PPARGC1A: variants seen among roughly 807,000 people sequenced by gnomAD.
PPARGC1A encodes the protein peroxisome proliferator-activated receptor gamma coactivator 1-alpha.
A neutral mutation model predicts 88.7 loss-of-function variants in PPARGC1A; 25 were observed. The ratio of observed to expected loss-of-function variants is 0.28; its 90% CI spans 0.21 to 0.39. PPARGC1A has a LOEUF of 0.39. Among genes scored for constraint, PPARGC1A ranks in the 10% least tolerant of loss-of-function variants. The pLI, the probability that PPARGC1A is intolerant of heterozygous loss-of-function variation, is 1.00. For synonymous variants in PPARGC1A, 363 were observed against 355.6 expected, an observed-to-expected ratio of 1.02 and a Z score of -0.24; for missense variants, 880 against 968.7, an observed-to-expected ratio of 0.91 and a Z score of 1.22.
chr4:24,020,112 C>T, the PPARGC1A span, among the ~76,000 whole-genome samples: 1 of 152,126 alleles, frequency 6.6e-6, no homozygotes, highest in Non-Finnish European at 1.5e-5. Context: ...CCATCCACTC[C>T]TTCATCTTGG....
the PPARGC1A span, among the ~76,000 whole-genome samples, chr4:24,195,355 A>G: frequency 6.6e-6 from 1 of 152,222 alleles, no homozygotes. Flanking sequence ...AATGGTTGCA[A>G]TTATGAAGTA....
At chr4:23,962,754 A>G in the PPARGC1A span, among the ~76,000 whole-genome samples, 362 of 152,284 alleles carry the variant, frequency 2.4e-3, no homozygotes, top group Non-Finnish European at 3.9e-3. Flanking sequence ...GGAAGGTGAT[A>G]AATGCAATTG....
the PPARGC1A span, among the ~76,000 whole-genome samples, chr4:24,001,414 A>G: frequency 1.3e-5 from 2 of 152,240 alleles, no homozygotes; most frequent in East Asian, 3.9e-4. Flanking sequence ...TGTAAGAAAC[A>G]GAGAGAGCAA....
chr4:24,104,777 T>C, the PPARGC1A span, among the ~76,000 whole-genome samples: 1 of 152,172 alleles, frequency 6.6e-6, no homozygotes, highest in African/African-American at 2.4e-5. Context: ...CCCAAAAATA[T>C]ATGCCCAGTA....
rs550367896 is a variant in PPARGC1A, at chr4:23,844,186, A to G, written c.235-12435T>C. Among the ~76,000 whole-genome samples the G allele has an allele frequency of 7.7e-4, 115 of 149,904 alleles. 1 individual carries two copies. Among genetic ancestry groups the G allele is most frequent in the Non-Finnish European group, 1.1e-3 (72 of 67,524 alleles). ...ATACATATGTGTGTATATATAAAAC[A>G]TAAACACACATACAAAAAAATTATT... is the stretch of plus-strand genomic sequence containing the variant. On this transcript the variant is annotated intron_variant, in intron 2 of 12. Coordinates refer to ENST00000264867, the MANE Select transcript of PPARGC1A (RefSeq NM_013261.5).
At chr4:24,389,799 A>G in the PPARGC1A span, among the ~76,000 whole-genome samples, 1 of 152,114 alleles carries the variant, frequency 6.6e-6, no homozygotes, top group Non-Finnish European at 1.5e-5. Flanking sequence ...AGCTCAAGAA[A>G]CTGAGGTCCA....
At chr4:23,888,121 T>C (rs2148847111) in intron 1 of PPARGC1A, among the ~76,000 whole-genome samples, 1 of 152,320 alleles carries the variant, frequency 6.6e-6, no homozygotes, top group South Asian at 2.1e-4. Flanking sequence ...GCTCGTAATA[T>C]TTTATACAGG....
chr4:23,801,483 C>A (rs1384707547), intron 12 of PPARGC1A, among the ~76,000 whole-genome samples: 1 of 152,154 alleles, frequency 6.6e-6, no homozygotes, highest in Non-Finnish European at 1.5e-5. Flanking sequence ...TATCCACATA[C>A]ATACCTACCA....
intron 10 of PPARGC1A, among the ~76,000 whole-genome samples, chr4:23,804,916 T>C (rs1032679218): frequency 2.0e-5 from 3 of 152,186 alleles, no homozygotes; most frequent in Non-Finnish European, 2.9e-5. Context: ...GTTGCTCTTA[T>C]GGAAAACTCT....
chr4:23,950,983 C>T, the PPARGC1A span, among the ~76,000 whole-genome samples: 992 of 152,222 alleles, frequency 6.5e-3, 7 homozygotes, highest in Middle Eastern at 0.017. Context: ...TTGAGGATTA[C>T]GTAGTCCTCT....
the PPARGC1A span, among the ~76,000 whole-genome samples, chr4:24,028,265 T>C: frequency 5.9e-5 from 9 of 152,064 alleles, no homozygotes; most frequent in Non-Finnish European, 7.3e-5. Flanking sequence ...ATTTCTTTCA[T>C]AGAATAAGAA....
At chr4:24,205,409 G>A in the PPARGC1A span, among the ~76,000 whole-genome samples, 17 of 152,170 alleles carry the variant, frequency 1.1e-4, no homozygotes, top group Non-Finnish European at 7.3e-5. Flanking sequence ...GATCAAGAGA[G>A]TCAAGACCAG....
At chr4:23,812,580 G>C (rs1251424921) in intron 10 of PPARGC1A, among the ~76,000 whole-genome samples, 167 bp downstream of exon 10, 4 of 152,112 alleles carry the variant, frequency 2.6e-5, no homozygotes, top group Non-Finnish European at 5.9e-5. Flanking sequence ...AATAAGTTAG[G>C]TCAATGGGGA....
chr4:23,889,859 G>C, intron 1 of PPARGC1A, 45 bp downstream of exon 1: 1 of 1,601,068 alleles, frequency 6.2e-7, no homozygotes. Flanking sequence ...GCATCTGAGG[G>C]AAGCGTCAGT....
the PPARGC1A span, among the ~76,000 whole-genome samples, chr4:24,298,479 C>T: frequency 6.6e-6 from 1 of 152,096 alleles, no homozygotes; most frequent in African/African-American, 2.4e-5. Context: ...TATGTAGCAA[C>T]CACTCCATAA....
At chr4:24,142,006 G>A in the PPARGC1A span, among the ~76,000 whole-genome samples, 6 of 152,226 alleles carry the variant, frequency 3.9e-5, no homozygotes, top group East Asian at 1.9e-4. Context: ...TGAACCTTTC[G>A]TGAGGCACTC....
the PPARGC1A span, among the ~76,000 whole-genome samples, chr4:24,181,861 C>T: frequency 1.8e-4 from 27 of 152,234 alleles, no homozygotes; most frequent in African/African-American, 5.5e-4. Context: ...GAAACAGCAG[C>T]GCAAAAGCCA....
chr4:24,472,618 ACT>A, the PPARGC1A span, among the ~76,000 whole-genome samples: 2 of 152,066 alleles, frequency 1.3e-5, no homozygotes, highest in African/African-American at 4.8e-5. The surrounding 1 kb of genome is among the most constrained non-coding windows in gnomAD (Gnocchi z 4.5). Flanking sequence ...GGGAACGGAA[ACT>A]CTCGGCGGTG....
chr4:24,261,971 A>G, the PPARGC1A span, among the ~76,000 whole-genome samples: 1 of 152,248 alleles, frequency 6.6e-6, no homozygotes, highest in African/African-American at 2.4e-5. Context: ...AACATAATCC[A>G]AATGAAAGGT....
Sources: allele counts gnomAD v4.1 joint callset (sites outside exome capture counted in the v4.1 genomes callset), GRCh38; gene constraint gnomAD v4.1.1; non-coding constraint Gnocchi (gnomAD v3.1); transcripts MANE v1.5; gene names NCBI Gene and HGNC (gene_info 2026-07-23, HGNC 2026-07-21).